Variants in PAK5 observed in about 807,000 individuals in gnomAD.
PAK5 encodes p21 (RAC1) activated kinase 5, also known as serine/threonine-protein kinase PAK 5.
A neutral mutation model predicts 65.9 loss-of-function variants in PAK5; 16 were observed. That is an observed-to-expected ratio of 0.24 (90% CI 0.16 to 0.37). PAK5 has a LOEUF of 0.37. PAK5 is among the 10% of genes least tolerant of loss of function. The pLI is 1.00. For synonymous variants in PAK5, 371 were observed against 354.9 expected (o/e 1.05, Z -0.51); for missense variants, 785 against 903.9 (o/e 0.87, Z 1.69).
chr20:9,648,116 C>T lies in PAK5; in HGVS notation c.-11-3777G>A, dbSNP rs1276534190. Among the ~76,000 whole-genome samples, 5 of 152,292 alleles carry T rather than the reference C, an allele frequency of 3.3e-5. No individual in the cohort carries two copies. In the East Asian group the frequency reaches 9.6e-4, roughly 29 times the overall value. ...CTGTCAGGGGTCCCAAAGACCACCC[C>T]CAGGCTTGATGATTCATGAGGAGAA... On this transcript the variant is annotated intron_variant, in intron 2 of 9. Transcript: ENST00000353224.
intron 3 of PAK5, among the ~76,000 whole-genome samples, chr20:9,635,782 AAAAC>A (rs1292014018): frequency 1.3e-5 from 2 of 152,182 alleles, no homozygotes; most frequent in Non-Finnish European, 2.9e-5. Flanking sequence ...GGGAGAGGCA[AAAAC>A]AAACAAACAA....
intron 4 of PAK5, chr20:9,577,538 G>A (rs910131537): frequency 3.9e-5 from 6 of 152,160 alleles, no homozygotes; most frequent in Non-Finnish European, 5.9e-5. Flanking sequence ...AAGCAAGGCC[G>A]ACTCATCTGA....
intron 3 of PAK5, among the ~76,000 whole-genome samples, chr20:9,618,915 G>GTTT (rs150725498): frequency 0.013 from 236 of 18,834 alleles, 86 homozygotes; most frequent in Middle Eastern, 0.091. Context: ...TCTTTCTTTC[G>GTTT]TTTTTTTTTT....
chr20:9,541,560 G>T (rs1225610667), intron 9 of PAK5, among the ~76,000 whole-genome samples: 1 of 152,100 alleles, frequency 6.6e-6, no homozygotes, highest in Admixed American at 6.5e-5. Flanking sequence ...TTGGCTTAAG[G>T]CCTTTCCACT....
intron 1 of PAK5, among the ~76,000 whole-genome samples, chr20:9,714,955 T>C (rs1407017534): frequency 6.6e-6 from 1 of 152,112 alleles, no homozygotes; most frequent in Non-Finnish European, 1.5e-5. Flanking sequence ...GAAGAAAACC[T>C]AGGCAATACC....
At chr20:9,618,811 G>C (rs111538569) in intron 3 of PAK5, among the ~76,000 whole-genome samples, 2,791 of 147,712 alleles carry the variant, frequency 0.019, 41 homozygotes, top group Non-Finnish European at 0.03. Flanking sequence ...GAGATGAATC[G>C]ATATTTTCAT....
At chr20:9,659,962 G>A (rs1390816028) in intron 2 of PAK5, among the ~76,000 whole-genome samples, 1 of 152,138 alleles carries the variant, frequency 6.6e-6, no homozygotes, top group Non-Finnish European at 1.5e-5. Context: ...ATGCCAAAGG[G>A]AAAGGGCAAG....
chr20:9,753,435 T>C (rs550275688), intron 1 of PAK5, among the ~76,000 whole-genome samples: 1 of 152,296 alleles, frequency 6.6e-6, no homozygotes, highest in African/African-American at 2.4e-5. Flanking sequence ...ATGAACTATA[T>C]GATAAATTCC....
intron 1 of PAK5, among the ~76,000 whole-genome samples, chr20:9,819,141 C>T (rs1012395048): frequency 1.3e-5 from 2 of 152,148 alleles, no homozygotes; most frequent in Non-Finnish European, 2.9e-5. Context: ...CACTAACTCA[C>T]TATAAGTTCA....
intron 2 of PAK5, among the ~76,000 whole-genome samples, chr20:9,679,294 T>C (rs897583503): frequency 2.6e-5 from 4 of 152,176 alleles, no homozygotes; most frequent in Admixed American, 1.3e-4. Flanking sequence ...CAGTCAACAG[T>C]AGGCCATAGG....
chr20:9,661,470 T>C lies in PAK5; in HGVS notation c.-11-17131A>G, dbSNP rs571568108. ...TGTTGCAGAAAAGAAGACCAAGATG[T>C]GACCACACCTGAGAAGACCTTTTTT... On this transcript the variant is annotated intron_variant, in intron 2 of 9. Coordinates refer to ENST00000353224, the MANE Select transcript of PAK5 (RefSeq NM_177990.4). Among the ~76,000 whole-genome samples the C allele has an allele frequency of 1.1e-4, 16 of 152,298 alleles. No individual in the cohort carries two copies. In the South Asian group the frequency reaches 3.3e-3, roughly 32 times the overall value.
intron 3 of PAK5, among the ~76,000 whole-genome samples, chr20:9,587,156 TA>T (rs1355238359): frequency 1.3e-5 from 2 of 152,140 alleles, no homozygotes; most frequent in Non-Finnish European, 2.9e-5. Flanking sequence ...GCTGCAGTGG[TA>T]AATTTTACTT....
At chr20:9,751,089 G>T (rs546558131) in intron 1 of PAK5, among the ~76,000 whole-genome samples, 75 of 152,108 alleles carry the variant, frequency 4.9e-4, no homozygotes, top group Non-Finnish European at 7.4e-4. Context: ...TTCCAAATTA[G>T]TCATGCTAAG....
chr20:9,832,791 GT>G (rs1978830491), intron 1 of PAK5, among the ~76,000 whole-genome samples: 1 of 152,124 alleles, frequency 6.6e-6, no homozygotes, highest in Non-Finnish European at 1.5e-5. Context: ...TATTAAACGT[GT>G]GCATTGGTCT....
chr20:9,801,954 A>G (rs1431610990), intron 1 of PAK5, among the ~76,000 whole-genome samples: 1 of 152,192 alleles, frequency 6.6e-6, no homozygotes, highest in East Asian at 1.9e-4. Flanking sequence ...AACAGAGCCA[A>G]TACAAAAATG....
intron 1 of PAK5, among the ~76,000 whole-genome samples, chr20:9,721,197 C>T (rs1012405011): frequency 3.3e-5 from 5 of 152,164 alleles, no homozygotes; most frequent in East Asian, 1.9e-4. Flanking sequence ...TGTGGCACAG[C>T]GAAGGATTAA....
chr20:9,603,746 C>T (rs1402406936), intron 3 of PAK5, among the ~76,000 whole-genome samples: 1 of 152,124 alleles, frequency 6.6e-6, no homozygotes, highest in Non-Finnish European at 1.5e-5. Context: ...CCTGCTCTCC[C>T]TCTCTGTCTG....
At chr20:9,593,299 G>A (rs1374971489) in intron 3 of PAK5, among the ~76,000 whole-genome samples, 1 of 151,714 alleles carries the variant, frequency 6.6e-6, no homozygotes, top group Non-Finnish European at 1.5e-5. Context: ...GTGAGACCCT[G>A]TATCAAAAGA....
rs1445646749 is a variant in PAK5 at position 9,638,308 on chromosome 20, G to A, written c.204+5817C>T. On this transcript the variant is annotated intron_variant, in intron 3 of 9. Transcript: ENST00000353224. Reference sequence around the variant, plus strand: ...ATGATATTTGCCAAATGTTTTAAAGGGAACCTCCCCCTTGGGGTATTCAGG... The same window carrying A: ...ATGATATTTGCCAAATGTTTTAAAGAGAACCTCCCCCTTGGGGTATTCAGG... Among the ~76,000 whole-genome samples, 3 of 152,186 alleles carry A rather than the reference G, an allele frequency of 2.0e-5. No individual in the cohort carries two copies. In the East Asian group the frequency reaches 5.8e-4, roughly 29 times the overall value.
Sources: gnomAD v4.1 joint callset for allele counts (sites outside exome capture counted in the v4.1 genomes callset) on GRCh38, gnomAD v4.1.1 for gene constraint, MANE v1.5 for transcripts, NCBI Gene and HGNC (gene_info 2026-07-23, HGNC 2026-07-21) for gene names.